MOCS1: variants seen among roughly 807,000 people sequenced by gnomAD.
The protein encoded by MOCS1 is molybdenum cofactor synthesis 1, also known as molybdenum cofactor biosynthesis protein 1.
Under a neutral mutation model 57.6 loss-of-function variants are expected in MOCS1, and 39 were observed. That is an observed-to-expected ratio of 0.68 (90% CI 0.52 to 0.88). MOCS1 has a LOEUF of 0.88. MOCS1 is among the 40% of genes least tolerant of loss of function. The probability of loss-of-function intolerance (pLI) is 0.00; values close to 1 mark genes in which losing one functional copy is unlikely to be tolerated. For missense variants in MOCS1, 795 were observed against 831.1 expected, an observed-to-expected ratio of 0.96 and a Z score of 0.53; for synonymous variants, 334 against 335.7, an observed-to-expected ratio of 1.00 and a Z score of 0.05.
chr6:39,914,970 C>T (rs895800100), intron 4 of MOCS1, among the ~76,000 whole-genome samples: 2 of 152,146 alleles, frequency 1.3e-5, no homozygotes, highest in Admixed American at 1.3e-4. Context: ...TACTCCTGCT[C>T]CCCCTCAGAG....
chr6:39,921,435 T>C (rs1211101703), intron 3 of MOCS1, among the ~76,000 whole-genome samples: 1 of 151,844 alleles, frequency 6.6e-6, no homozygotes, highest in Non-Finnish European at 1.5e-5. Flanking sequence ...ACATTGGTGG[T>C]ATAGTGGGTT....
At chr6:39,910,048 G>C in intron 8 of MOCS1, 93 bp from the exon 9 acceptor site, 3 of 1,583,046 alleles carry the variant, frequency 1.9e-6, no homozygotes, top group Non-Finnish European at 1.7e-6. Context: ...TTCTCCCTCC[G>C]GGAGGAGCAC....
chr6:39,923,543 G>A (rs956916023), intron 3 of MOCS1, among the ~76,000 whole-genome samples: 1 of 152,246 alleles, frequency 6.6e-6, no homozygotes, highest in African/African-American at 2.4e-5. Context: ...CCATGCCCGC[G>A]GGTGCCAGGG....
Position 39,927,316 on chromosome 6 carries a change from G to C in MOCS1, c.250+13C>G. 6.2e-7 allele frequency: 1 copy of C among 1,609,524 alleles called. No individual in the cohort carries two copies. Among genetic ancestry groups the C allele is most frequent in the Non-Finnish European group, 8.5e-7 (1 of 1,178,042 alleles). On this transcript the variant is annotated intron_variant, in intron 2 of 10. Transcript: ENST00000340692. ...GGACACCAGCCCAGAGAGGGCCCAG[G>C]AAGGTGACTCACATCTGAGGTTGCA...
chr6:39,906,738 G>A lies in MOCS1; in HGVS notation c.1530C>T (p.Ala510=), dbSNP rs143467242. The A allele has an allele frequency of 2.7e-5, 44 of 1,614,036 alleles. No homozygotes were observed. Among genetic ancestry groups the A allele is most frequent in the East Asian group, 2.0e-4 (9 of 44,890 alleles). ...AGGCTACCGGTCCCAGGAGGACCAC[G>A]GCTGAAGCCACAGCCACCCGCTCTG... is the stretch of plus-strand genomic sequence containing the variant. ...PDTERVAVAS[A]VVLLGPVAFK... is the part of the protein sequence containing the mutation. Residue 510 remains alanine (A), a synonymous_variant, in exon 11 of 11, where the codon GCC becomes GCT. Transcript: ENST00000340692.
At chr6:39,922,389 T>G (rs1768019840) in intron 3 of MOCS1, among the ~76,000 whole-genome samples, 1 of 152,216 alleles carries the variant, frequency 6.6e-6, no homozygotes, top group South Asian at 2.1e-4. Flanking sequence ...TTTGTAAATT[T>G]TCTAAAAACA....
At position 39,925,329 on chromosome 6, in the gene MOCS1, G is replaced by A. The variant is rs141147132; in HGVS notation, c.418+349C>T. 1.1e-3 allele frequency among the ~76,000 whole-genome samples: 172 copies of A among 152,184 alleles called. 1 individual carries two copies. The Middle Eastern group carries it at 0.014, about 12-fold the overall frequency. ...AAGGGAACAGCACATGTCAAGGCCC[G>A]GTCATGTGAATGGGAAGGAGGGGAA... On this transcript the variant is annotated intron_variant, in intron 3 of 10. Transcript: ENST00000340692.
rs1197538955 is a variant in MOCS1, at chr6:39,907,064, A to C, written c.1204T>G (p.Trp402Gly). The change falls in exon 11 of 11, where the codon TGG (tryptophan) becomes GGG (glycine). Residue 402 changes from tryptophan to glycine, a missense_variant. Physicochemically the swap from Trp to Gly is radical, Grantham distance 184. Around this residue, in one of 3 missense-constraint regions of MOCS1, gnomAD observed 374 missense variants for 422.6 expected, o/e 0.89. Transcript: ENST00000340692. ...SPPANPSIFS[W>G]DPLHVQGLRP... is the part of the protein sequence containing the mutation. ...AGACCCTGAACATGGAGCGGGTCCC[A>C]GGAGAAAATGCTTGGATTGGCTGGT... The C allele has an allele frequency of 6.2e-7, 1 of 1,613,496 alleles. No individual in the cohort carries two copies. Among genetic ancestry groups the C allele is most frequent in the South Asian group, 1.1e-5 (1 of 91,072 alleles).
Position 39,909,891 on chromosome 6 carries a change from T to A in MOCS1, c.1046A>T (p.Gln349Leu). ...AGCCCCAATGATTCTCAGCAGCTCC[T>A]GCTCAGAGGCCCCAGCTCGCAGGTG... ...RDHLRAGASE[Q>L]ELLRIIGAAV... Residue 349 changes from glutamine (Q) to leucine (L), a missense_variant, in exon 9 of 11, where the codon CAG (glutamine) becomes CTG (leucine). Coordinates refer to ENST00000340692, the MANE Select transcript of MOCS1 (RefSeq NM_001358530.2). 2 of 1,613,936 alleles carry A rather than the reference T, an allele frequency of 1.2e-6. No individual in the cohort carries two copies. The highest frequency in any genetic ancestry group is 1.7e-6 in the Non-Finnish European group (2 of 1,180,006).
chr6:39,927,059 G>A (rs1440743575), intron 2 of MOCS1: 1 of 429,124 alleles, frequency 2.3e-6, no homozygotes, highest in African/African-American at 2.0e-5. Context: ...AGAATGAGAG[G>A]TCCAGGATCC....
At position 39,905,648 on chromosome 6, in the gene MOCS1, G is replaced by C; in HGVS notation, c.*709C>G. 1 of 471,210 alleles carries C rather than the reference G, an allele frequency of 2.1e-6. No individual in the cohort carries two copies. Among genetic ancestry groups the C allele is most frequent in the South Asian group, 1.5e-5 (1 of 64,568 alleles). The allele number at this position is 471,210 out of a possible 1,614,324, so 29.2% of individuals were successfully genotyped here. On this transcript the variant is annotated 3_prime_UTR_variant, in exon 11 of 11. Coordinates refer to ENST00000340692, the MANE Select transcript of MOCS1 (RefSeq NM_001358530.2). ...GGTGGAACAGCCGTGAACAGGGCCA[G>C]GTGTGGGCTGTGTGGTCTGGCAGGA...
chr6:39,908,198 C>T (rs1270060268), intron 10 of MOCS1, among the ~76,000 whole-genome samples: 1 of 152,214 alleles, frequency 6.6e-6, no homozygotes, highest in Admixed American at 6.5e-5. Context: ...AGCCTGCCTT[C>T]CCCTCTGGGC....
chr6:39,931,203 G>A (rs1768624299), intron 1 of MOCS1, among the ~76,000 whole-genome samples: 1 of 152,160 alleles, frequency 6.6e-6, no homozygotes, highest in South Asian at 2.1e-4. Flanking sequence ...ATGCAGATTA[G>A]GGTGAAGGGG....
chr6:39,913,012 C>T lies in MOCS1; in HGVS notation c.758-8G>A, dbSNP rs201343374. On this transcript the variant is annotated splice_region_variant and splice_polypyrimidine_tract_variant and intron_variant, in intron 6 of 10. Transcript: ENST00000340692. ...TGAAGTTCCACTTGTTGCCTGTATT[C>T]GGGATGGGGGAAGGCAAGGGGAGCT... The T allele has an allele frequency of 1.1e-5, 18 of 1,612,740 alleles. No individual in the cohort carries two copies. The highest frequency in any genetic ancestry group is 2.7e-5 in the African/African-American group (2 of 75,014).
chr6:39,922,734 A>G (rs970546205), intron 3 of MOCS1, among the ~76,000 whole-genome samples: 4 of 152,168 alleles, frequency 2.6e-5, no homozygotes, highest in Non-Finnish European at 5.9e-5. Context: ...AGCACCTCTC[A>G]AAGGCTGACA....
chr6:39,909,003 C>A (rs185592236), intron 10 of MOCS1, 52 bp downstream of exon 10: 67 of 1,549,624 alleles, frequency 4.3e-5, no homozygotes, highest in Non-Finnish European at 5.8e-5. Context: ...TCCCACCCCA[C>A]GAGATCCCCA....
chr6:39,912,206 G>A (rs1317575412), intron 8 of MOCS1, 58 bp downstream of exon 8: 2 of 1,283,312 alleles, frequency 1.6e-6, no homozygotes, highest in Non-Finnish European at 2.3e-6. Flanking sequence ...GCACAGGTGG[G>A]AGGAGACATG....
chr6:39,923,811 T>C (rs998618776), intron 3 of MOCS1, among the ~76,000 whole-genome samples: 1 of 152,208 alleles, frequency 6.6e-6, no homozygotes, highest in African/African-American at 2.4e-5. Context: ...TCCTTGGGAC[T>C]CTCACAGCAC....
rs1768799482 is a variant in MOCS1, at chr6:39,934,319, C to G, written c.99G>C (p.Gly33=). Residue 33 remains glycine (G), a synonymous_variant, in exon 1 of 11, where the codon GGG becomes GGC. Transcript: ENST00000340692. The stretch of plus-strand genomic sequence containing the variant: ...CCTCCGAGGCAGCTCGCGCGGACTC[C>G]CCGGGGCAGGGCTGGGTCACCGGAG... ...SGAPVTQPCP[G]ESARAASEEV... is the part of the protein sequence containing the mutation. 1.9e-6 allele frequency: 3 copies of G among 1,549,152 alleles called. No homozygotes were observed. Among genetic ancestry groups the G allele is most frequent in the South Asian group, 2.4e-5 (2 of 84,718 alleles).
Sources: gnomAD v4.1 joint callset for allele counts (sites outside exome capture counted in the v4.1 genomes callset) on GRCh38, gnomAD v4.1.1 for gene constraint, gnomAD v4.1.1 regional missense constraint, MANE v1.5 for transcripts, NCBI Gene and HGNC (gene_info 2026-07-23, HGNC 2026-07-21) for gene names.